CCDC30: variants seen among roughly 807,000 people sequenced by gnomAD.
CCDC30 encodes coiled-coil domain-containing protein 30.
A neutral mutation model predicts 100.2 loss-of-function variants in CCDC30; 70 were observed. That is an observed-to-expected ratio of 0.70 (90% CI 0.58 to 0.85). The LOEUF (loss-of-function observed/expected upper bound fraction) is 0.85. CCDC30 is among the 40% of genes least tolerant of loss of function. The pLI, the probability that CCDC30 is intolerant of heterozygous loss-of-function variation, is 0.00. For missense variants in CCDC30, 652 were observed against 771.2 expected, an observed-to-expected ratio of 0.85 and a Z score of 1.83; for synonymous variants, 233 against 269.5, an observed-to-expected ratio of 0.86 and a Z score of 1.33.
At chr1:42,515,573 G>T (rs1644542420) in intron 6 of CCDC30, among the ~76,000 whole-genome samples, 1 of 152,170 alleles carries the variant, frequency 6.6e-6, no homozygotes, top group Non-Finnish European at 1.5e-5. Flanking sequence ...GAAGCAGAAA[G>T]GTGCCTCACC....
chr1:42,619,998 T>C (rs1311568969), intron 11 of CCDC30, among the ~76,000 whole-genome samples: 2 of 152,236 alleles, frequency 1.3e-5, no homozygotes, highest in Non-Finnish European at 2.9e-5. Flanking sequence ...TAGATAAGTC[T>C]GCTTTGTTCT....
At chr1:42,465,000 T>C (rs374452218) in intron 1 of CCDC30, among the ~76,000 whole-genome samples, 8 of 152,338 alleles carry the variant, frequency 5.3e-5, no homozygotes, top group Non-Finnish European at 1.2e-4. Context: ...TGGAACTGGA[T>C]AAAACCTAAC....
At chr1:42,620,838 G>A (rs1646816505) in intron 11 of CCDC30, among the ~76,000 whole-genome samples, 1 of 152,204 alleles carries the variant, frequency 6.6e-6, no homozygotes, top group Admixed American at 6.5e-5. Flanking sequence ...TGGAAGAGAT[G>A]AACAGAGCAC....
chr1:42,646,294 A>C (rs969849669), exon 15 of CCDC30: 4 of 1,542,878 alleles, frequency 2.6e-6, no homozygotes, highest in Middle Eastern at 1.7e-4. Flanking sequence ...GGCCACAGAG[A>C]AGTGGAAACA....
intron 6 of CCDC30, among the ~76,000 whole-genome samples, chr1:42,557,152 G>A (rs527313419): frequency 3.9e-5 from 6 of 152,216 alleles, no homozygotes; most frequent in South Asian, 2.1e-4. Context: ...ATAGAAGGCC[G>A]ATAATATACA....
At chr1:42,517,080 C>T (rs1644566258) in intron 6 of CCDC30, among the ~76,000 whole-genome samples, 1 of 151,974 alleles carries the variant, frequency 6.6e-6, no homozygotes, top group South Asian at 2.1e-4. Flanking sequence ...ACTTTGTTGA[C>T]AGTGTTATTT....
At chr1:42,497,178 T>C (rs1237042843) in exon 5 of CCDC30, 8 of 1,234,234 alleles carry the variant, frequency 6.5e-6, no homozygotes, top group Non-Finnish European at 7.1e-6. Context: ...TAGGGTTCGA[T>C]CACTTGACTC....
At position 42,500,468 on chromosome 1, in the gene CCDC30, C is replaced by T. The variant is rs1249735079; in HGVS notation, c.456+1552C>T. On this transcript the variant is annotated intron_variant, in intron 6 of 16. Coordinates refer to ENST00000668663, the Ensembl canonical transcript of CCDC30. ...TCGCTCTGTCGCCCAGGCTAGAGTG[C>T]AGTGGCGTGATGTCGGCTCACTGTA... 3.9e-5 allele frequency: 25 copies of T among 635,170 alleles called. No homozygotes were observed. In the East Asian group the frequency reaches 7.0e-4, roughly 18 times the overall value. The allele number at this position is 635,170 out of a possible 1,614,324, so 39.3% of individuals were successfully genotyped here.
intron 6 of CCDC30, among the ~76,000 whole-genome samples, chr1:42,543,140 ATTT>A (rs1475620463): frequency 6.6e-6 from 1 of 150,448 alleles, no homozygotes; most frequent in Admixed American, 6.6e-5. Context: ...CGCCCAGCTA[ATTT>A]TTTGTATTTT....
rs71065186 is a variant in CCDC30 at position 42,575,649 on chromosome 1, C to CAAAAAAA, written c.637-1368_637-1362dup. On this transcript the variant is annotated intron_variant, in intron 7 of 16. Transcript: ENST00000668663. ...TGGGCGACAGAGAGAGACCCTGTCT[C>CAAAAAAA]AAAAAAAAAGAAGCAAACAAACAAA... Among the ~76,000 whole-genome samples the CAAAAAAA allele has an allele frequency of 1.7e-4, 13 of 76,950 alleles. 1 individual carries two copies. The highest frequency in any genetic ancestry group is 3.3e-4 in the African/African-American group (6 of 18,178). 50.5% of individuals were successfully genotyped at this position (76,950 alleles called of 152,430 possible).
At chr1:42,500,418 TC>T in intron 6 of CCDC30, 3 of 898,394 alleles carry the variant, frequency 3.3e-6, no homozygotes, top group African/African-American at 1.8e-5. Flanking sequence ...CCGAGTTCTC[TC>T]TTTTTTTTTT....
At chr1:42,456,601 G>T in the CCDC30 span, 2 of 1,513,264 alleles carry the variant, frequency 1.3e-6, no homozygotes, top group East Asian at 2.3e-5. Context: ...AGTTCCCCCA[G>T]CCTCCCGGTG....
chr1:42,650,638 A>C (rs1008648022), intron 15 of CCDC30, among the ~76,000 whole-genome samples: 2 of 151,880 alleles, frequency 1.3e-5, no homozygotes, highest in Non-Finnish European at 2.9e-5. Context: ...ACAAACCCAC[A>C]CATTTAAAAT....
chr1:42,633,970 GA>G (rs1273277463), intron 11 of CCDC30, among the ~76,000 whole-genome samples: 1 of 152,018 alleles, frequency 6.6e-6, no homozygotes, highest in African/African-American at 2.4e-5. Context: ...AGTAAAAGGG[GA>G]AAAACCCCTT....
rs34048456 is a variant in CCDC30, at chr1:42,551,742, G to GGTGTGTGTGTGT, written c.457-14532_457-14521dup. On this transcript the variant is annotated intron_variant, in intron 6 of 16. Transcript: ENST00000668663. The stretch of plus-strand genomic sequence containing the variant: ...TATACCTTTTGAAAGGATAAATTCT[G>GGTGTGTGTGTGT]GTGTGTGTGTGTGTGTGTGTGTGTG... Among the ~76,000 whole-genome samples, 1,014 of 144,568 alleles carry GGTGTGTGTGTGT rather than the reference G, an allele frequency of 7.0e-3. 13 individuals carry two copies. Among genetic ancestry groups the GGTGTGTGTGTGT allele is most frequent in the African/African-American group, 0.025 (960 of 38,974 alleles). 94.8% of individuals were successfully genotyped at this position (144,568 alleles called of 152,430 possible).
At chr1:42,491,911 C>T in intron 4 of CCDC30, 2 of 527,164 alleles carry the variant, frequency 3.8e-6, no homozygotes, top group East Asian at 3.3e-5. Flanking sequence ...ACCAAAATTG[C>T]ATCTGATAGC....
At chr1:42,642,055 C>T (rs1158642421) in intron 12 of CCDC30, among the ~76,000 whole-genome samples, 6 of 151,990 alleles carry the variant, frequency 3.9e-5, no homozygotes, top group Admixed American at 1.3e-4. Context: ...GAAACCCCAT[C>T]TCTACTAAAA....
At chr1:42,612,042 A>G (rs1291620380) in intron 11 of CCDC30, among the ~76,000 whole-genome samples, 1 of 152,162 alleles carries the variant, frequency 6.6e-6, no homozygotes, top group African/African-American at 2.4e-5. Flanking sequence ...ACATTCTCCC[A>G]AGTTCACTCC....
At chr1:42,505,408 A>T (rs1379483159) in intron 6 of CCDC30, among the ~76,000 whole-genome samples, 1 of 152,160 alleles carries the variant, frequency 6.6e-6, no homozygotes, top group Admixed American at 6.5e-5. Flanking sequence ...CTAGCCTAAA[A>T]TGTAGGGAAA....
Sources: gnomAD v4.1 joint callset for allele counts (sites outside exome capture counted in the v4.1 genomes callset) on GRCh38, gnomAD v4.1.1 for gene constraint, MANE v1.5 for transcripts, NCBI Gene and HGNC (gene_info 2026-07-23, HGNC 2026-07-21) for gene names.